The following STXBP5 variants were observed in gnomAD, a reference collection of about 807,000 sequenced individuals.
STXBP5 encodes syntaxin binding protein 5.
In STXBP5, 50 loss-of-function variants were observed where a neutral mutation model predicts 152.4. That is an observed-to-expected ratio of 0.33 (90% CI 0.26 to 0.42). The LOEUF (loss-of-function observed/expected upper bound fraction) is 0.42. Ranked by LOEUF, STXBP5 falls within the 10% of genes least tolerant of loss-of-function variation. The pLI, the probability that STXBP5 is intolerant of heterozygous loss-of-function variation, is 1.00. For missense variants in STXBP5, 1,167 were observed against 1,388.6 expected, an observed-to-expected ratio of 0.84 and a Z score of 2.54; for synonymous variants, 492 against 494.7, an observed-to-expected ratio of 0.99 and a Z score of 0.07.
intron 4 of STXBP5, among the ~76,000 whole-genome samples, chr6:147,259,748 A>G (rs1253442004): frequency 6.6e-6 from 1 of 152,164 alleles, no homozygotes; most frequent in East Asian, 1.9e-4. Context: ...TCTGTAGGAA[A>G]AAAAATAAGC....
intron 4 of STXBP5, among the ~76,000 whole-genome samples, chr6:147,246,680 T>C (rs1432229587): frequency 6.6e-6 from 1 of 152,170 alleles, no homozygotes; most frequent in Non-Finnish European, 1.5e-5. Flanking sequence ...CATCATTGTT[T>C]AGAGAATAAC....
chr6:147,226,746 A>G (rs1221041924), intron 2 of STXBP5, among the ~76,000 whole-genome samples: 5 of 152,210 alleles, frequency 3.3e-5, no homozygotes, highest in Admixed American at 3.3e-4. Context: ...CTGAAGACCT[A>G]ACTGTTATAT....
At chr6:147,320,729 C>G (rs906161966) in intron 16 of STXBP5, among the ~76,000 whole-genome samples, 1 of 151,964 alleles carries the variant, frequency 6.6e-6, no homozygotes, top group African/African-American at 2.4e-5. Context: ...TACAACATTA[C>G]TTAAAATTTT....
chr6:147,275,549 C>CTTTTTT lies in STXBP5; in HGVS notation c.715-2511_715-2506dup, dbSNP rs71031021. 7.8e-5 allele frequency among the ~76,000 whole-genome samples: 5 copies of CTTTTTT among 64,454 alleles called. 1 individual carries two copies. The highest frequency in any genetic ancestry group is 1.1e-4 in the Non-Finnish European group (4 of 35,600). 42.3% of individuals were successfully genotyped at this position (64,454 alleles called of 152,430 possible). ...AGGTTTTTTTAAACAAGTAAATATT[C>CTTTTTT]TTTTTTTTTTTTTTTTTTTTTTTTT... On this transcript the variant is annotated intron_variant, in intron 7 of 27. Coordinates refer to ENST00000321680, the MANE Select transcript of STXBP5 (RefSeq NM_001127715.4).
At chr6:147,324,783 T>A (rs1037543437) in intron 16 of STXBP5, among the ~76,000 whole-genome samples, 176 bp from the exon 17 acceptor site, 1 of 151,842 alleles carries the variant, frequency 6.6e-6, no homozygotes, top group South Asian at 2.1e-4. Flanking sequence ...GCATATGAGT[T>A]ATTTTTGTTA....
intron 9 of STXBP5, among the ~76,000 whole-genome samples, chr6:147,302,186 T>C (rs901738055): frequency 6.6e-6 from 1 of 152,152 alleles, no homozygotes; most frequent in Non-Finnish European, 1.5e-5. Flanking sequence ...TAATGTTATA[T>C]GCCTACTGTT....
At chr6:147,357,071 A>G (rs1784847659) in intron 22 of STXBP5, among the ~76,000 whole-genome samples, 1 of 152,162 alleles carries the variant, frequency 6.6e-6, no homozygotes, top group South Asian at 2.1e-4. Context: ...CCTTGCTTTC[A>G]AGATACTTGC....
intron 21 of STXBP5, among the ~76,000 whole-genome samples, chr6:147,347,270 A>G (rs933689979): frequency 6.6e-6 from 1 of 152,222 alleles, no homozygotes; most frequent in Non-Finnish European, 1.5e-5. Flanking sequence ...AATAATACAT[A>G]AATAATAGAG....
intron 1 of STXBP5, among the ~76,000 whole-genome samples, chr6:147,205,219 T>A (rs184813700): frequency 6.6e-6 from 1 of 152,250 alleles, no homozygotes; most frequent in Admixed American, 6.5e-5. Context: ...AATGGCACGA[T>A]AATTGCCATA....
intron 25 of STXBP5, among the ~76,000 whole-genome samples, chr6:147,370,551 C>T (rs17076710): frequency 0.044 from 6,751 of 151,982 alleles, 445 homozygotes; most frequent in East Asian, 0.28. Context: ...GTGAAAAACA[C>T]AGAGATAATT....
intron 25 of STXBP5, among the ~76,000 whole-genome samples, chr6:147,368,792 A>T (rs918964825): frequency 6.6e-6 from 1 of 152,072 alleles, no homozygotes; most frequent in Non-Finnish European, 1.5e-5. Context: ...TTTTATTTCT[A>T]TATATTAGCA....
chr6:147,270,476 T>C (rs1780111000), intron 7 of STXBP5, among the ~76,000 whole-genome samples: 1 of 151,732 alleles, frequency 6.6e-6, no homozygotes, highest in Admixed American at 6.6e-5. Flanking sequence ...GAATACCACC[T>C]TCACAGTACT....
chr6:147,235,616 CAT>C (rs1444098650), intron 3 of STXBP5, among the ~76,000 whole-genome samples: 1 of 152,068 alleles, frequency 6.6e-6, no homozygotes, highest in Non-Finnish European at 1.5e-5. Flanking sequence ...TACTGTGTAA[CAT>C]AGAACTCTAT....
At chr6:147,205,205 T>C (rs1273184143) in intron 1 of STXBP5, among the ~76,000 whole-genome samples, 1 of 152,148 alleles carries the variant, frequency 6.6e-6, no homozygotes, top group Non-Finnish European at 1.5e-5. Context: ...GATTTTTGCC[T>C]GTTAATGGCA....
chr6:147,305,585 G>T (rs1415871836), intron 9 of STXBP5, among the ~76,000 whole-genome samples: 2 of 151,822 alleles, frequency 1.3e-5, no homozygotes, highest in Non-Finnish European at 1.5e-5. Context: ...TTTTTATTTT[G>T]TGTGAAAAAT....
At position 147,311,498 on chromosome 6, in the gene STXBP5, T is replaced by C. The variant is rs1582926244; in HGVS notation, c.1116T>C (p.Asp372=). The C allele has an allele frequency of 6.2e-7, 1 of 1,612,458 alleles. No individual in the cohort carries two copies. Among genetic ancestry groups the C allele is most frequent in the Non-Finnish European group, 8.5e-7 (1 of 1,179,146 alleles). The change falls in exon 11 of 28, where the codon GAT becomes GAC. Residue 372 remains aspartate (D), a synonymous_variant. Transcript: ENST00000321680. ...PYAVVVLLEK[D]LVLIDLAQNG... is the part of the protein sequence containing the mutation. The stretch of plus-strand genomic sequence containing the variant: ...CTGTGGTTGTTCTTCTAGAAAAGGA[T>C]TTAGTACTTATAGACCTTGCACAAA...
intron 4 of STXBP5, among the ~76,000 whole-genome samples, chr6:147,240,068 G>T (rs1778464818): frequency 6.6e-6 from 1 of 151,670 alleles, no homozygotes; most frequent in South Asian, 2.1e-4. Flanking sequence ...TCAGCCTCCT[G>T]AGTATCTGGG....
intron 2 of STXBP5, among the ~76,000 whole-genome samples, chr6:147,211,062 C>T (rs1297116777): frequency 6.6e-6 from 1 of 152,124 alleles, no homozygotes; most frequent in Non-Finnish European, 1.5e-5. Flanking sequence ...CCTGTAATCC[C>T]AGCACTTTGG....
intron 2 of STXBP5, among the ~76,000 whole-genome samples, chr6:147,206,949 G>GCAAAATAT (rs1328101603): frequency 3.3e-5 from 5 of 151,432 alleles, no homozygotes; most frequent in Non-Finnish European, 7.4e-5. Flanking sequence ...ATCTATCTGT[G>GCAAAATAT]GGATATCTAC....
Sources: allele counts gnomAD v4.1 joint callset (sites outside exome capture counted in the v4.1 genomes callset), GRCh38; gene constraint gnomAD v4.1.1; transcripts MANE v1.5; gene names NCBI Gene and HGNC (gene_info 2026-07-23, HGNC 2026-07-21).